Variants in MCTP1 observed in about 807,000 individuals in gnomAD.
The protein encoded by MCTP1 is multiple C2 and transmembrane domain containing 1, also known as multiple C2 and transmembrane domain-containing protein 1.
MCTP1 carries 69 observed loss-of-function variants against 120.6 expected under a neutral mutation model. The ratio of observed to expected loss-of-function variants is 0.57; its 90% CI spans 0.47 to 0.70. The LOEUF is 0.70. Among genes scored for constraint, MCTP1 ranks in the 30% least tolerant of loss-of-function variants. MCTP1 has a pLI of 0.00. For missense variants in MCTP1, 1,203 were observed against 1,248.8 expected, an observed-to-expected ratio of 0.96 and a Z score of 0.55; for synonymous variants, 529 against 493.1, an observed-to-expected ratio of 1.07 and a Z score of -0.96.
chr5:95,192,959 G>A (rs1386555504), intron 1 of MCTP1, among the ~76,000 whole-genome samples: 1 of 152,084 alleles, frequency 6.6e-6, no homozygotes, highest in Non-Finnish European at 1.5e-5. Flanking sequence ...TGAAACTAGA[G>A]AATAAAATCT....
intron 1 of MCTP1, among the ~76,000 whole-genome samples, chr5:95,282,385 T>C (rs1272153103): frequency 6.6e-6 from 1 of 152,176 alleles, no homozygotes; most frequent in Admixed American, 6.5e-5. Flanking sequence ...ATAATTCAAT[T>C]ATTATTTGTT....
chr5:95,113,604 A>G (rs1757609614), intron 1 of MCTP1, among the ~76,000 whole-genome samples: 1 of 152,202 alleles, frequency 6.6e-6, no homozygotes. Context: ...AGCCCTAGCC[A>G]GAAAGGAATT....
In MCTP1 at chr5:94,761,343, G is replaced by A. The variant is rs78961875; in HGVS notation, c.2610+17767C>T. Among the ~76,000 whole-genome samples, 903 of 152,268 alleles carry A rather than the reference G, an allele frequency of 5.9e-3. 5 individuals are homozygous for A. The highest frequency in any genetic ancestry group is 0.021 in the African/African-American group (875 of 41,536). On this transcript the variant is annotated intron_variant, in intron 19 of 22. Transcript: ENST00000515393. ...CCAGCTAGCTTTGAGGGAGAGCTTA[G>A]CTAGAAAGTGAAATTTTTGGATGGA...
chr5:94,758,994 A>G (rs960123829), intron 19 of MCTP1, among the ~76,000 whole-genome samples: 3 of 152,228 alleles, frequency 2.0e-5, no homozygotes, highest in Non-Finnish European at 4.4e-5. Flanking sequence ...GAGAAAACCT[A>G]TGCTTGATAC....
intron 1 of MCTP1, among the ~76,000 whole-genome samples, chr5:95,271,950 C>T (rs1759439098): frequency 6.6e-6 from 1 of 152,036 alleles, no homozygotes; most frequent in South Asian, 2.1e-4. Context: ...TTTCGTACAT[C>T]TATTCAGACT....
intron 1 of MCTP1, among the ~76,000 whole-genome samples, chr5:95,214,617 A>G (rs1308856635): frequency 3.3e-5 from 5 of 152,220 alleles, no homozygotes; most frequent in African/African-American, 1.2e-4. Flanking sequence ...AACCACTCCA[A>G]ATGTCCAACA....
At chr5:94,763,173 C>T (rs1356915743) in intron 19 of MCTP1, among the ~76,000 whole-genome samples, 2 of 152,172 alleles carry the variant, frequency 1.3e-5, no homozygotes, top group East Asian at 1.9e-4. Flanking sequence ...TATTTCTCTA[C>T]TTCAAGTCTC....
At chr5:94,740,845 TG>T (rs1431707171) in intron 19 of MCTP1, among the ~76,000 whole-genome samples, 1 of 152,196 alleles carries the variant, frequency 6.6e-6, no homozygotes, top group Non-Finnish European at 1.5e-5. Flanking sequence ...CTATTAACTT[TG>T]GGAAGACCTT....
intron 8 of MCTP1, among the ~76,000 whole-genome samples, chr5:94,916,748 G>A (rs1449719774): frequency 6.6e-6 from 1 of 152,172 alleles, no homozygotes; most frequent in Non-Finnish European, 1.5e-5. Flanking sequence ...TGTCACCTGG[G>A]AACTTTTTAG....
intron 6 of MCTP1, among the ~76,000 whole-genome samples, chr5:94,926,763 T>C (rs1463542301): frequency 6.6e-6 from 1 of 152,228 alleles, no homozygotes; most frequent in Admixed American, 6.5e-5. Flanking sequence ...AACCCAGTTA[T>C]ATTAGGTCTC....
intron 10 of MCTP1, among the ~76,000 whole-genome samples, chr5:94,907,284 T>A (rs1807164481): frequency 6.6e-6 from 1 of 152,214 alleles, no homozygotes; most frequent in South Asian, 2.1e-4. Context: ...AAAGGCAACC[T>A]TGCTAATTTA....
intron 1 of MCTP1, among the ~76,000 whole-genome samples, chr5:95,069,541 G>C (rs1468447444): frequency 6.6e-6 from 1 of 151,234 alleles, no homozygotes; most frequent in Non-Finnish European, 1.5e-5. Context: ...TGCAGAATCT[G>C]ATATGCTTGT....
intron 1 of MCTP1, among the ~76,000 whole-genome samples, chr5:95,152,879 T>C (rs542560509): frequency 4.6e-5 from 7 of 152,262 alleles, no homozygotes; most frequent in African/African-American, 1.7e-4. Flanking sequence ...CTCACTCTCC[T>C]TTCCTTTCCA....
chr5:94,723,599 T>C (rs937735175), intron 19 of MCTP1, among the ~76,000 whole-genome samples: 6 of 152,144 alleles, frequency 3.9e-5, no homozygotes, highest in African/African-American at 1.4e-4. Flanking sequence ...AATGAGTCTT[T>C]ACCTGGTTTT....
intron 1 of MCTP1, among the ~76,000 whole-genome samples, chr5:95,071,614 A>G (rs1752193272): frequency 6.6e-6 from 1 of 152,162 alleles, no homozygotes; most frequent in African/African-American, 2.4e-5. Flanking sequence ...TTTCTCCTCC[A>G]TAGTTTCTGG....
At chr5:94,916,417 T>A (rs1810066473) in intron 8 of MCTP1, among the ~76,000 whole-genome samples, 1 of 152,166 alleles carries the variant, frequency 6.6e-6, no homozygotes, top group Admixed American at 6.5e-5. Flanking sequence ...AACAACACTT[T>A]TCTGTGTGTA....
At chr5:94,875,148 A>G (rs1247559708) in intron 12 of MCTP1, among the ~76,000 whole-genome samples, 1 of 152,168 alleles carries the variant, frequency 6.6e-6, no homozygotes, top group African/African-American at 2.4e-5. Flanking sequence ...ATACTATGGG[A>G]AAAAACAAAG....
At chr5:95,097,451 G>A (rs1756358534) in intron 1 of MCTP1, among the ~76,000 whole-genome samples, 1 of 152,218 alleles carries the variant, frequency 6.6e-6, no homozygotes, top group Non-Finnish European at 1.5e-5. Flanking sequence ...GGATAGGAAA[G>A]ACCTGGTACA....
chr5:95,253,730 T>C (rs954998907), intron 1 of MCTP1, among the ~76,000 whole-genome samples: 1 of 152,110 alleles, frequency 6.6e-6, no homozygotes, highest in African/African-American at 2.4e-5. Flanking sequence ...ACAAGATTAT[T>C]AAAGTTTCTG....
Sources: allele counts gnomAD v4.1 joint callset (sites outside exome capture counted in the v4.1 genomes callset), GRCh38; gene constraint gnomAD v4.1.1; transcripts MANE v1.5; gene names NCBI Gene and HGNC (gene_info 2026-07-23, HGNC 2026-07-21).